Variants in PCYT1B observed in about 807,000 individuals in gnomAD.
PCYT1B encodes phosphate cytidylyltransferase 1B, choline.
A neutral mutation model predicts 26.4 loss-of-function variants in PCYT1B; 10 were observed. The observed-to-expected ratio is 0.38, with a 90% CI of 0.23 to 0.64. The LOEUF (loss-of-function observed/expected upper bound fraction) is 0.64, where lower values mean the gene tolerates loss of function less well. PCYT1B is among the 30% of genes least tolerant of loss of function. PCYT1B has a pLI of 0.56. For synonymous variants in PCYT1B, 131 were observed against 108.4 expected (o/e 1.21, Z -1.29); for missense variants, 161 against 292.7 (o/e 0.55, Z 3.28).
intron 1 of PCYT1B, among the ~76,000 whole-genome samples, chrX:24,658,506 C>CTTT (rs1203809740): frequency 1.0e-4 from 6 of 58,835 alleles, no homozygotes; most frequent in East Asian, 6.1e-4. Flanking sequence ...TGTTTCATTG[C>CTTT]TTTTTTTTTT....
intron 1 of PCYT1B, among the ~76,000 whole-genome samples, chrX:24,633,121 A>T: frequency 1.9e-5 from 2 of 105,353 alleles, no homozygotes; most frequent in Middle Eastern, 9.7e-3. Context: ...GAGGCAAGAG[A>T]ATCACTTGAA....
At chrX:24,654,282 T>C (rs750699081) in intron 1 of PCYT1B, among the ~76,000 whole-genome samples, 1 of 103,823 alleles carries the variant, frequency 9.6e-6, no homozygotes, top group African/African-American at 3.5e-5. Context: ...TTTTTTTGTA[T>C]TGTTAGGAGA....
At chrX:24,564,634 G>C (rs750558570) in intron 7 of PCYT1B, among the ~76,000 whole-genome samples, 2 of 111,020 alleles carry the variant, frequency 1.8e-5, no homozygotes, top group South Asian at 7.7e-4. Context: ...TTACAGGTGT[G>C]AGCCACCGCG....
At chrX:24,616,724 G>A (rs1925510891) in intron 2 of PCYT1B, among the ~76,000 whole-genome samples, 1 of 111,922 alleles carries the variant, frequency 8.9e-6, no homozygotes, top group South Asian at 3.7e-4. Context: ...TGTTTAACAA[G>A]CATACCAGGT....
At chrX:24,598,892 T>C (rs1924873327) in intron 3 of PCYT1B, among the ~76,000 whole-genome samples, 1 of 112,209 alleles carries the variant, frequency 8.9e-6, no homozygotes, top group Admixed American at 9.5e-5. Flanking sequence ...TTGGATGGTG[T>C]TTTCTGCAAA....
chrX:24,611,950 G>A (rs1237647367), intron 2 of PCYT1B, among the ~76,000 whole-genome samples: 2 of 111,231 alleles, frequency 1.8e-5, no homozygotes, highest in African/African-American at 3.3e-5. Context: ...TCCAGCCTGG[G>A]CAACAAGAAT....
At chrX:24,659,460 G>C (rs1926986861) in intron 1 of PCYT1B, among the ~76,000 whole-genome samples, 1 of 111,520 alleles carries the variant, frequency 9.0e-6, no homozygotes. Context: ...GTAAATCTGT[G>C]AATAACAGGT....
chrX:24,671,264 C>G (rs965064555), intron 1 of PCYT1B, among the ~76,000 whole-genome samples: 1 of 111,064 alleles, frequency 9.0e-6, no homozygotes, highest in Non-Finnish European at 1.9e-5. Flanking sequence ...GCCACTGTGG[C>G]TGGCCTACAT....
intron 6 of PCYT1B, among the ~76,000 whole-genome samples, chrX:24,577,180 A>G (rs1276580692): frequency 9.0e-6 from 1 of 110,849 alleles, no homozygotes; most frequent in Non-Finnish European, 1.9e-5. Context: ...GGACTGGGTG[A>G]CTGACTGGCA....
intron 3 of PCYT1B, among the ~76,000 whole-genome samples, chrX:24,598,761 CT>C (rs1212905163): frequency 1.8e-5 from 2 of 111,373 alleles, no homozygotes; most frequent in African/African-American, 3.3e-5. Context: ...TATAAAGCTT[CT>C]TGAAATACAT....
intron 6 of PCYT1B, 77 bp from the exon 7 acceptor site, chrX:24,575,395 G>T (rs1320068583): frequency 3.8e-6 from 3 of 797,443 alleles, no homozygotes; most frequent in Admixed American, 7.3e-5. Flanking sequence ...TCACATTAAA[G>T]TTCATATTTT....
At chrX:24,666,277 C>T (rs190971196) in intron 1 of PCYT1B, among the ~76,000 whole-genome samples, 119 of 111,058 alleles carry the variant, frequency 1.1e-3, no homozygotes, top group Non-Finnish European at 1.8e-3. Flanking sequence ...CAGACATTTA[C>T]TAAGCATGTT....
intron 1 of PCYT1B, among the ~76,000 whole-genome samples, chrX:24,669,752 G>A (rs1927200395): frequency 9.2e-6 from 1 of 109,170 alleles, no homozygotes; most frequent in East Asian, 2.9e-4. Flanking sequence ...TTGAAAATGG[G>A]AATATAGGCT....
intron 3 of PCYT1B, among the ~76,000 whole-genome samples, chrX:24,606,334 G>A: frequency 9.0e-6 from 1 of 111,565 alleles, no homozygotes; most frequent in Non-Finnish European, 1.9e-5. Flanking sequence ...TCTCTCCAGG[G>A]CCCCAGTAGC....
intron 1 of PCYT1B, among the ~76,000 whole-genome samples, chrX:24,669,501 GAAAAAAA>G (rs60562762): frequency 3.3e-3 from 103 of 31,554 alleles, no homozygotes; most frequent in African/African-American, 0.014. Flanking sequence ...CTTCGTCTCA[GAAAAAAA>G]AAAAAAAAAA....
chrX:24,581,286 C>G (rs751182154), intron 5 of PCYT1B, among the ~76,000 whole-genome samples: 26 of 111,606 alleles, frequency 2.3e-4, no homozygotes, highest in Non-Finnish European at 4.1e-4. Context: ...CCAATTTTAT[C>G]TCAGACCCTC....
intron 3 of PCYT1B, among the ~76,000 whole-genome samples, chrX:24,603,648 G>A (rs995261348): frequency 5.4e-5 from 6 of 110,135 alleles, no homozygotes; most frequent in Middle Eastern, 4.6e-3. Context: ...ACTTGAGCCC[G>A]GGAGTTTGAG....
chrX:24,618,908 C>A (rs775900348), intron 2 of PCYT1B, 77 bp downstream of exon 2: 87 of 629,959 alleles, frequency 1.4e-4, no homozygotes, highest in Non-Finnish European at 2.0e-4. Context: ...CAGGCATGAG[C>A]CACCACGCCC....
At chrX:24,637,408 G>A (rs760267396) in intron 1 of PCYT1B, among the ~76,000 whole-genome samples, 5 of 99,705 alleles carry the variant, frequency 5.0e-5, no homozygotes, top group Admixed American at 1.1e-4. Flanking sequence ...TTGGGAGGCC[G>A]AGGCGGGAGG....
Sources: allele counts gnomAD v4.1 joint callset (sites outside exome capture counted in the v4.1 genomes callset), GRCh38; gene constraint gnomAD v4.1.1; transcripts MANE v1.5; gene names NCBI Gene and HGNC (gene_info 2026-07-23, HGNC 2026-07-21).